The following LACTB2 variants were observed in gnomAD, a reference collection of about 807,000 sequenced individuals.
The protein encoded by LACTB2 is endoribonuclease LACTB2.
A neutral mutation model predicts 34.8 loss-of-function variants in LACTB2; 32 were observed. That is an observed-to-expected ratio of 0.92 (90% CI 0.69 to 1.24). The LOEUF (loss-of-function observed/expected upper bound fraction) is 1.24. Ranked by LOEUF, LACTB2 falls within the 50% of genes most tolerant of loss-of-function variation. The pLI is 0.00. For synonymous variants in LACTB2, 120 were observed against 117.5 expected, an observed-to-expected ratio of 1.02 and a Z score of -0.14; for missense variants, 320 against 345.0, an observed-to-expected ratio of 0.93 and a Z score of 0.57.
At chr8:70,646,544 T>G (rs1454444726) in intron 3 of LACTB2, 1 of 150,734 alleles carries the variant, frequency 6.6e-6, no homozygotes, top group Non-Finnish European at 1.5e-5. Context: ...ACAGAGCCGT[T>G]TTTTATAAAT....
chr8:70,645,116 G>C (rs1329559731), intron 3 of LACTB2, among the ~76,000 whole-genome samples: 1 of 151,280 alleles, frequency 6.6e-6, no homozygotes, highest in Non-Finnish European at 1.5e-5. Context: ...TTATTTTTGA[G>C]ATATATCAAG....
Position 70,657,895 on chromosome 8 carries a change from C to T in LACTB2, c.287-13G>A. The T allele has an allele frequency of 1.3e-6, 2 of 1,546,880 alleles. No homozygotes were observed. Among genetic ancestry groups the T allele is most frequent in the East Asian group, 2.3e-5 (1 of 44,072 alleles). On this transcript the variant is annotated splice_polypyrimidine_tract_variant and intron_variant, in intron 2 of 6. Transcript: ENST00000276590. ...CAATAGGTAGTGTCTAGTCATAAAA[C>T]ATATAAAATATATTAATTCACACTT...
intron 4 of LACTB2, among the ~76,000 whole-genome samples, chr8:70,643,102 T>A (rs747953511): frequency 6.6e-6 from 1 of 152,092 alleles, no homozygotes; most frequent in Non-Finnish European, 1.5e-5. Flanking sequence ...AATAACTGTA[T>A]GTTGAAAAAT....
intron 2 of LACTB2, chr8:70,660,927 G>A (rs977364228): frequency 3.0e-4 from 135 of 455,888 alleles, no homozygotes; most frequent in Non-Finnish European, 5.5e-4. Flanking sequence ...GCAGGTGCAC[G>A]CCACCATACC....
intron 3 of LACTB2, among the ~76,000 whole-genome samples, chr8:70,650,227 T>G (rs1450172098): frequency 6.6e-6 from 1 of 152,160 alleles, no homozygotes; most frequent in Non-Finnish European, 1.5e-5. Context: ...CAACCTTATA[T>G]TAAAAAATAA....
At chr8:70,654,140 G>T (rs545868917) in intron 3 of LACTB2, among the ~76,000 whole-genome samples, 1 of 152,260 alleles carries the variant, frequency 6.6e-6, no homozygotes, top group East Asian at 1.9e-4. Context: ...TTATACAAAA[G>T]CTGGAGAAGA....
chr8:70,645,077 C>CAT (rs951764612), intron 3 of LACTB2, among the ~76,000 whole-genome samples: 5 of 151,718 alleles, frequency 3.3e-5, no homozygotes, highest in Non-Finnish European at 7.4e-5. Flanking sequence ...CACACACACA[C>CAT]ATATACACAT....
chr8:70,646,258 G>GGA (rs1818262675), intron 3 of LACTB2: 1 of 152,186 alleles, frequency 6.6e-6, no homozygotes, highest in Non-Finnish European at 1.5e-5. Context: ...CCATCAGAGT[G>GGA]AACAGGCAAC....
rs1818579590 is a variant in LACTB2, at chr8:70,668,863, C to A, written c.122+136G>T. 6 of 1,223,582 alleles carry A rather than the reference C, an allele frequency of 4.9e-6. No homozygotes were observed. In the South Asian group the frequency reaches 9.1e-5, roughly 19 times the overall value. The allele number at this position is 1,223,582 out of a possible 1,614,324, so 75.8% of individuals were successfully genotyped here. A position where few individuals can be genotyped will look rare whatever the true frequency, so the allele number is the denominator to read the frequency against. On this transcript the variant is annotated intron_variant, in intron 1 of 6. Coordinates refer to ENST00000276590, the MANE Select transcript of LACTB2 (RefSeq NM_016027.3). ...TCCGAGTGTCTGCGTGCAGTCCCGA[C>A]GGGGCTGCTAGGCGCGGGGCTGCCC... is the stretch of plus-strand genomic sequence containing the variant.
intron 3 of LACTB2, among the ~76,000 whole-genome samples, chr8:70,644,746 C>T (rs979779128): frequency 2.0e-5 from 3 of 152,138 alleles, no homozygotes; most frequent in Admixed American, 2.0e-4. Context: ...TCCCAAAGTG[C>T]TGGGATTACA....
At chr8:70,660,426 G>A in intron 2 of LACTB2, 1 of 366,140 alleles carries the variant, frequency 2.7e-6, no homozygotes, top group East Asian at 7.3e-5. Context: ...AGGAAGCTTG[G>A]TTGCCAGTTT....
chr8:70,640,441 A>AT (rs888219017), intron 5 of LACTB2: 16 of 150,488 alleles, frequency 1.1e-4, no homozygotes, highest in South Asian at 4.2e-4. Context: ...ATGTTCTTTG[A>AT]TTTTTTTTTT....
chr8:70,665,823 C>G (rs966221035), intron 1 of LACTB2, among the ~76,000 whole-genome samples: 1 of 152,204 alleles, frequency 6.6e-6, no homozygotes, highest in African/African-American at 2.4e-5. Flanking sequence ...ATCAGCCACA[C>G]TGTCTGCCCA....
At position 70,650,246 on chromosome 8, in the gene LACTB2, AAGT is replaced by A. The variant is rs371892603; in HGVS notation, c.414-6006_414-6004del. Among the ~76,000 whole-genome samples the A allele has an allele frequency of 3.1e-3, 475 of 152,346 alleles. 2 individuals are homozygous for A. The Middle Eastern group carries it at 0.034, about 11-fold the overall frequency. On this transcript the variant is annotated intron_variant, in intron 3 of 6. Transcript: ENST00000276590. ...CTTATATTAAAAAATAATCTATAAA[AAGT>A]AGTATACAGAAAAAGCATAAAGTTA...
chr8:70,649,669 A>G (rs1387295102), intron 3 of LACTB2, among the ~76,000 whole-genome samples: 1 of 152,204 alleles, frequency 6.6e-6, no homozygotes, highest in Non-Finnish European at 1.5e-5. Context: ...CTTAGTGGAA[A>G]GTTAATATCT....
At chr8:70,645,026 ACAT>A (rs1297992736) in intron 3 of LACTB2, among the ~76,000 whole-genome samples, 2 of 151,930 alleles carry the variant, frequency 1.3e-5, no homozygotes, top group Non-Finnish European at 2.9e-5. Flanking sequence ...GTATTTTCCT[ACAT>A]CATTATATGT....
At chr8:70,655,704 G>C (rs1350694710) in intron 3 of LACTB2, among the ~76,000 whole-genome samples, 1 of 152,078 alleles carries the variant, frequency 6.6e-6, no homozygotes, top group Non-Finnish European at 1.5e-5. Flanking sequence ...TTTTCCTCTG[G>C]GTAGACACCC....
At chr8:70,652,115 G>A (rs1172129384) in intron 3 of LACTB2, among the ~76,000 whole-genome samples, 23 of 151,948 alleles carry the variant, frequency 1.5e-4, no homozygotes, top group Non-Finnish European at 3.4e-4. Flanking sequence ...TATTATCTCT[G>A]TCCCTACTGC....
At chr8:70,641,122 C>T in intron 4 of LACTB2, 72 bp from the exon 5 acceptor site, 1 of 1,300,750 alleles carries the variant, frequency 7.7e-7, no homozygotes, top group Non-Finnish European at 1.0e-6. Flanking sequence ...AGCTAACTCA[C>T]TCTATTTAAA....
Sources: gnomAD v4.1 joint callset for allele counts (sites outside exome capture counted in the v4.1 genomes callset) on GRCh38, gnomAD v4.1.1 for gene constraint, MANE v1.5 for transcripts, NCBI Gene and HGNC (gene_info 2026-07-23, HGNC 2026-07-21) for gene names.